CFH: variants seen among roughly 807,000 people sequenced by gnomAD.
The protein encoded by CFH is H factor 1 (complement).
CFH carries 53 observed loss-of-function variants against 147.3 expected under a neutral mutation model. That is an observed-to-expected ratio of 0.36 (90% CI 0.29 to 0.45). The LOEUF is 0.45. Ranked by LOEUF, CFH falls within the 20% of genes least tolerant of loss-of-function variation. CFH has a pLI of 1.00. For missense variants in CFH, 1,380 were observed against 1,498.0 expected, an observed-to-expected ratio of 0.92 and a Z score of 1.30; for synonymous variants, 536 against 489.4, an observed-to-expected ratio of 1.10 and a Z score of -1.26.
At chr1:196,695,747 T>C (rs1668240341) in intron 9 of CFH, among the ~76,000 whole-genome samples, 1 of 152,148 alleles carries the variant, frequency 6.6e-6, no homozygotes, top group South Asian at 2.1e-4. Flanking sequence ...TATTTCTACG[T>C]ATTTTATTTT....
chr1:196,700,640 T>G, intron 9 of CFH, among the ~76,000 whole-genome samples: 1 of 144,202 alleles, frequency 6.9e-6, no homozygotes. Flanking sequence ...GGAGACAGAT[T>G]GAGATTCCGT....
At position 196,664,862 on chromosome 1, in the gene CFH, T is replaced by A. The variant is rs189437668; in HGVS notation, c.59-8116T>A. On this transcript the variant is annotated intron_variant, in intron 1 of 21. Coordinates refer to ENST00000367429, the MANE Select transcript of CFH (RefSeq NM_000186.4). Reference sequence around the variant, plus strand: ...ATCTTTAATTATTATTTGTTACTTTTAAAAAATTGAAATTATTTGTCAACT... The same window carrying A: ...ATCTTTAATTATTATTTGTTACTTTAAAAAAATTGAAATTATTTGTCAACT... Among the ~76,000 whole-genome samples, 400 of 152,212 alleles carry A rather than the reference T, an allele frequency of 2.6e-3. 2 individuals carry two copies. The highest frequency in any genetic ancestry group is 0.013 in the East Asian group (69 of 5,190).
At chr1:196,725,449 C>A in intron 12 of CFH, 152 bp downstream of exon 12, 1 of 700,522 alleles carries the variant, frequency 1.4e-6, no homozygotes, top group Non-Finnish European at 2.5e-6. Flanking sequence ...GTACTGAATA[C>A]CTGAGATTCA....
Position 196,676,029 on chromosome 1 carries a change from A to G in CFH, c.391A>G (p.Thr131Ala), listed in dbSNP as rs758647278. Residue 131 changes from threonine (T) to alanine (A), a missense_variant, in exon 4 of 22, where the codon ACA becomes GCA. This residue lies in a region of CFH where 260 missense variants were observed against 263.3 expected (regional missense o/e 0.99). Coordinates refer to ENST00000367429, the MANE Select transcript of CFH (RefSeq NM_000186.4). The stretch of plus-strand genomic sequence containing the variant: ...TGAGATTAATTACCGTGAATGTGAC[A>G]CAGATGGATGGACCAATGATATTCC... Reference protein sequence around the residue: ...LGEINYRECDTDGWTNDIPIC... With the variant: ...LGEINYRECDADGWTNDIPIC... 4 of 1,610,778 alleles carry G rather than the reference A, an allele frequency of 2.5e-6. No individual in the cohort carries two copies. The highest frequency in any genetic ancestry group is 2.7e-5 in the African/African-American group (2 of 74,882).
chr1:196,665,093 T>C (rs1028197299), intron 1 of CFH, among the ~76,000 whole-genome samples: 2 of 151,642 alleles, frequency 1.3e-5, no homozygotes, highest in African/African-American at 4.8e-5. Flanking sequence ...TTATTGGTAA[T>C]GGTCACGTTA....
intron 9 of CFH, among the ~76,000 whole-genome samples, chr1:196,705,669 G>A (rs191177172): frequency 6.6e-6 from 1 of 152,278 alleles, no homozygotes; most frequent in East Asian, 1.9e-4. Context: ...TTTCAAAACA[G>A]CTGGACATTG....
intron 9 of CFH, chr1:196,701,519 A>T: frequency 2.6e-6 from 2 of 771,176 alleles, no homozygotes; most frequent in Non-Finnish European, 4.1e-6. Context: ...CAGGCAGCCC[A>T]ATGGGGCTGG....
intron 9 of CFH, among the ~76,000 whole-genome samples, chr1:196,709,453 G>T (rs144626420): frequency 2.0e-3 from 301 of 152,192 alleles, no homozygotes; most frequent in African/African-American, 7.0e-3. Context: ...TCAGCAAAAA[G>T]AAGCTAGAAT....
At chr1:196,746,304 T>C (rs1357784848) in intron 21 of CFH, among the ~76,000 whole-genome samples, 1 of 151,828 alleles carries the variant, frequency 6.6e-6, no homozygotes, top group Non-Finnish European at 1.5e-5. Context: ...ATAATAATAA[T>C]AACCGGCATG....
chr1:196,688,127 A>T (rs890838686), intron 7 of CFH, among the ~76,000 whole-genome samples: 1 of 151,932 alleles, frequency 6.6e-6, no homozygotes, highest in African/African-American at 2.4e-5. Context: ...CATAAGGTTT[A>T]TTGAAATAGA....
rs183058319 is a variant in CFH, at chr1:196,675,153, T to A, written c.351-836T>A. ...TGTGTCCTCTCTTTAAGTTCAGCAC[T>A]TGACTTGGCTAAGGAGATAAAAATG... is the stretch of plus-strand genomic sequence containing the variant. On this transcript the variant is annotated intron_variant, in intron 3 of 21. Transcript: ENST00000367429. Among the ~76,000 whole-genome samples, 53 of 152,320 alleles carry A rather than the reference T, an allele frequency of 3.5e-4. No homozygotes were observed. The Middle Eastern group carries it at 0.014, about 39-fold the overall frequency.
chr1:196,678,449 A>G (rs901052340), intron 5 of CFH: 1 of 151,912 alleles, frequency 6.6e-6, no homozygotes, highest in Non-Finnish European at 1.5e-5. Flanking sequence ...TTATATTTTA[A>G]TATTATCTAA....
Position 196,697,356 on chromosome 1 carries a change from G to A in CFH, c.1336+7117G>A, listed in dbSNP as rs1289927357. Among the ~76,000 whole-genome samples the A allele has an allele frequency of 3.3e-5, 5 of 152,336 alleles. 1 individual carries two copies. In the South Asian group the frequency reaches 8.3e-4, roughly 25 times the overall value. ...AAAAAGTGGGTGAAGGATATGAACA[G>A]ACACTTCTCAAAAGAAGACATTTAT... On this transcript the variant is annotated intron_variant, in intron 9 of 21. Transcript: ENST00000367429.
chr1:196,676,079 G>A lies in CFH; in HGVS notation c.427+14G>A, dbSNP rs755841584. The A allele has an allele frequency of 3.5e-6, 5 of 1,447,414 alleles. No individual in the cohort carries two copies. The highest frequency in any genetic ancestry group is 2.8e-5 in the African/African-American group (2 of 71,646). 89.7% of individuals were successfully genotyped at this position (1,447,414 alleles called of 1,614,324 possible). ...CTATATGTGAAGGTAGACATAAAAT[G>A]TATTTACAAGTATATTGAAATAAAT... On this transcript the variant is annotated intron_variant, in intron 4 of 21. Transcript: ENST00000367429.
intron 21 of CFH, among the ~76,000 whole-genome samples, chr1:196,746,728 G>A (rs1269256462): frequency 6.6e-6 from 1 of 152,038 alleles, no homozygotes; most frequent in African/African-American, 2.4e-5. Flanking sequence ...AATATTATTA[G>A]CTCTAAATAT....
At chr1:196,664,004 G>A (rs372081330) in intron 1 of CFH, among the ~76,000 whole-genome samples, 6 of 152,130 alleles carry the variant, frequency 3.9e-5, no homozygotes, top group Admixed American at 1.3e-4. Context: ...TTACTGTCTC[G>A]TCAGCTTTCT....
chr1:196,704,326 A>T (rs1668534850), intron 9 of CFH, among the ~76,000 whole-genome samples: 1 of 152,128 alleles, frequency 6.6e-6, no homozygotes, highest in African/African-American at 2.4e-5. Context: ...AACTCCTGAC[A>T]TGAGGTAATC....
intron 1 of CFH, among the ~76,000 whole-genome samples, chr1:196,670,917 T>TC (rs1324081763): frequency 2.6e-5 from 4 of 151,388 alleles, no homozygotes; most frequent in Admixed American, 2.6e-4. Flanking sequence ...TTGTTAGAAT[T>TC]CCAATTAAAC....
chr1:196,716,517 T>C (rs1328574682), intron 11 of CFH, among the ~76,000 whole-genome samples: 1 of 152,066 alleles, frequency 6.6e-6, no homozygotes, highest in Non-Finnish European at 1.5e-5. Flanking sequence ...CTAGTTTTGT[T>C]GGATTGTTTT....
Sources: gnomAD v4.1 joint callset for allele counts (sites outside exome capture counted in the v4.1 genomes callset) on GRCh38, gnomAD v4.1.1 for gene constraint, gnomAD v4.1.1 regional missense constraint, MANE v1.5 for transcripts, NCBI Gene and HGNC (gene_info 2026-07-23, HGNC 2026-07-21) for gene names.